The following ARHGAP29 variants were observed in gnomAD, a reference collection of about 807,000 sequenced individuals.
The protein encoded by ARHGAP29 is rho GTPase-activating protein 29.
ARHGAP29 carries 43 observed loss-of-function variants against 122.6 expected under a neutral mutation model. That is an observed-to-expected ratio of 0.35 (90% confidence interval 0.27 to 0.45). ARHGAP29 has a LOEUF of 0.45. ARHGAP29 is among the 20% of genes least tolerant of loss of function. The probability of loss-of-function intolerance (pLI) is 1.00; values close to 1 mark genes in which losing one functional copy is unlikely to be tolerated. For synonymous variants in ARHGAP29, 506 were observed against 497.1 expected (o/e 1.02, Z -0.24); for missense variants, 1,303 against 1,477.2 (o/e 0.88, Z 1.93).
the ARHGAP29 span, among the ~76,000 whole-genome samples, chr1:94,294,371 G>A: frequency 1.8e-3 from 277 of 152,054 alleles, 1 homozygote; most frequent in African/African-American, 6.5e-3. Context: ...GAGTGCCATT[G>A]TGGCCCACTC....
At chr1:94,222,639 G>A (rs1019243919) in intron 2 of ARHGAP29, among the ~76,000 whole-genome samples, 13 of 152,090 alleles carry the variant, frequency 8.5e-5, no homozygotes, top group Non-Finnish European at 1.8e-4. Flanking sequence ...AAAACTAAAT[G>A]TAATACGATA....
chr1:94,289,414 A>G, the ARHGAP29 span, among the ~76,000 whole-genome samples: 6 of 152,234 alleles, frequency 3.9e-5, no homozygotes, highest in African/African-American at 9.6e-5. Flanking sequence ...CTTTCTAAAT[A>G]TACAGTCATG....
chr1:94,279,768 C>T (rs1571645), upstream of ARHGAP29, among the ~76,000 whole-genome samples: 3,595 of 152,262 alleles, frequency 0.024, 165 homozygotes, highest in African/African-American at 0.083. Flanking sequence ...CCTGAGTAAC[C>T]CCTTTAGGGG....
upstream of ARHGAP29, among the ~76,000 whole-genome samples, chr1:94,278,887 C>T (rs1435203205): frequency 6.6e-6 from 1 of 152,216 alleles, no homozygotes; most frequent in Non-Finnish European, 1.5e-5. Flanking sequence ...ATTAGGGCTT[C>T]TCCCCTGGTA....
At chr1:94,302,522 C>T in the ARHGAP29 span, 1 of 326,974 alleles carries the variant, frequency 3.1e-6, no homozygotes, top group South Asian at 2.5e-5. Flanking sequence ...ATAACTCTGG[C>T]ATCATGAAGC....
rs1330803953 is a variant in ARHGAP29, at chr1:94,253,670, A to ACG, written c.-33+21341_-33+21342insCG. ...CACGCACGCACGCACGCACGCACGCACATGCACACATTAAGGCTTTTCTCT... is the reference window on the plus strand; with the variant it reads ...CACGCACGCACGCACGCACGCACGCACGCATGCACACATTAAGGCTTTTCTCT... On this transcript the variant is annotated intron_variant and NMD_transcript_variant, in intron 1 of 25. Transcript: ENST00000552844. 9.3e-5 allele frequency among the ~76,000 whole-genome samples: 14 copies of ACG among 150,574 alleles called. No individual in the cohort carries two copies. In the East Asian group the frequency reaches 2.0e-3, roughly 21 times the overall value.
intron 1 of ARHGAP29, among the ~76,000 whole-genome samples, chr1:94,257,709 A>T (rs1654414968): frequency 6.6e-6 from 1 of 152,086 alleles, no homozygotes. Flanking sequence ...ATCCTGTCTC[A>T]AGAAGAAGAA....
intron 22 of ARHGAP29, chr1:94,176,754 CCCA>C (rs1649116391): frequency 6.6e-6 from 1 of 151,938 alleles, no homozygotes; most frequent in Non-Finnish European, 1.5e-5. Flanking sequence ...ATTACAGGCG[CCCA>C]CCACCACACC....
At chr1:94,313,866 A>C in the ARHGAP29 span, among the ~76,000 whole-genome samples, 1 of 152,154 alleles carries the variant, frequency 6.6e-6, no homozygotes, top group Non-Finnish European at 1.5e-5. Context: ...TCAACAAACT[A>C]CCACAAGAAC....
intron 2 of ARHGAP29, 36 bp from the exon 3 acceptor site, chr1:94,220,428 C>T: frequency 6.6e-7 from 1 of 1,504,610 alleles, no homozygotes; most frequent in Non-Finnish European, 8.9e-7. Context: ...ATTTCCAGAG[C>T]AAAGTTCCAC....
intron 12 of ARHGAP29, among the ~76,000 whole-genome samples, chr1:94,198,548 C>T (rs773507905): frequency 2.0e-5 from 3 of 152,076 alleles, no homozygotes; most frequent in Non-Finnish European, 4.4e-5. Context: ...TATACATATG[C>T]ACTTATGTGT....
Position 94,173,795 on chromosome 1 carries a change from C to A in ARHGAP29, c.*74G>T, listed in dbSNP as rs1039946022. ...CTATACAAAAGAGGCCCTGTCAAAA[C>A]ATTCTTTCACAAAACAAGCACAATA... On this transcript the variant is annotated 3_prime_UTR_variant, in exon 23 of 23. Coordinates refer to ENST00000260526, the MANE Select transcript of ARHGAP29 (RefSeq NM_004815.4). The A allele has an allele frequency of 3.3e-6, 5 of 1,508,760 alleles. No individual in the cohort carries two copies. In the Admixed American group the frequency reaches 6.5e-5, roughly 20 times the overall value. The allele number at this position is 1,508,760 out of a possible 1,614,324, so 93.5% of individuals were successfully genotyped here.
At chr1:94,193,362 A>C (rs528669053) in intron 12 of ARHGAP29, 178 of 143,432 alleles carry the variant, frequency 1.2e-3, no homozygotes, top group African/African-American at 4.4e-3. Context: ...AGGAAAAAGA[A>C]TACTACAAAA....
chr1:94,174,489 C>T lies in ARHGAP29; in HGVS notation c.3166G>A (p.Val1056Ile), dbSNP rs368898771. ...GTAGTAGCAGCGTCTTTTCTATTAA[C>T]TCCTTCAAAGGCAGGATTCTTGCAA... ...KFCKNPAFEG[V>I]NRKDAATTVC... is the part of the protein sequence containing the mutation. The change falls in exon 23 of 23, where the codon GTT (valine) becomes ATT (isoleucine). Residue 1056 changes from valine to isoleucine, a missense_variant. Transcript: ENST00000260526. 3 of 1,614,084 alleles carry T rather than the reference C, an allele frequency of 1.9e-6. No homozygotes were observed. The highest frequency in any genetic ancestry group is 2.2e-5 in the East Asian group (1 of 44,890).
chr1:94,219,259 A>AT (rs1553209783), intron 3 of ARHGAP29, among the ~76,000 whole-genome samples: 1 of 152,152 alleles, frequency 6.6e-6, no homozygotes, highest in East Asian at 1.9e-4. Context: ...ACTTCTTAAA[A>AT]TCCATGTCAC....
At chr1:94,202,810 T>G in intron 10 of ARHGAP29, 78 bp from the exon 11 acceptor site, 1 of 1,548,536 alleles carries the variant, frequency 6.5e-7, no homozygotes, top group Non-Finnish European at 8.7e-7. Context: ...TTCAGCAAGA[T>G]AGTTAAGACA....
chr1:94,197,908 T>C (rs1345922729), intron 12 of ARHGAP29, among the ~76,000 whole-genome samples: 2 of 152,164 alleles, frequency 1.3e-5, no homozygotes, highest in East Asian at 3.9e-4. Context: ...AAAGACTGAG[T>C]GCTTTTCCCC....
intron 1 of ARHGAP29, among the ~76,000 whole-genome samples, chr1:94,235,435 G>A (rs1327527308): frequency 1.3e-5 from 2 of 152,158 alleles, no homozygotes; most frequent in Admixed American, 1.3e-4. Flanking sequence ...AGAGTGCCTG[G>A]TTCATCATAA....
the ARHGAP29 span, among the ~76,000 whole-genome samples, chr1:94,283,152 GTA>G: frequency 6.6e-6 from 1 of 152,092 alleles, no homozygotes; most frequent in Non-Finnish European, 1.5e-5. Context: ...TTTTTATTGA[GTA>G]TATTTTAATG....
Sources: allele counts gnomAD v4.1 joint callset (sites outside exome capture counted in the v4.1 genomes callset), GRCh38; gene constraint gnomAD v4.1.1; transcripts MANE v1.5; gene names NCBI Gene and HGNC (gene_info 2026-07-23, HGNC 2026-07-21).